The following WDR27 variants were observed in gnomAD, a reference collection of about 807,000 sequenced individuals.
WDR27 encodes WD repeat-containing protein 27.
Under a neutral mutation model 114.4 loss-of-function variants are expected in WDR27, and 100 were observed. The ratio of observed to expected loss-of-function variants is 0.87; its 90% CI spans 0.74 to 1.03. The LOEUF (loss-of-function observed/expected upper bound fraction) is 1.03. Ranked by LOEUF, WDR27 falls within the 50% of genes least tolerant of loss-of-function variation. The probability of loss-of-function intolerance (pLI) is 0.00; values close to 1 mark genes in which losing one functional copy is unlikely to be tolerated. For synonymous variants in WDR27, 449 were observed against 423.1 expected (o/e 1.06, Z -0.75); for missense variants, 1,129 against 1,092.9 (o/e 1.03, Z -0.47).
chr6:169,515,799 A>G (rs1452209684), intron 25 of WDR27, among the ~76,000 whole-genome samples: 1 of 149,990 alleles, frequency 6.7e-6, no homozygotes, highest in South Asian at 2.1e-4. Context: ...ACAGTAAAAT[A>G]AAAGGGATAA....
chr6:169,525,568 CT>C (rs1794878449), intron 25 of WDR27, among the ~76,000 whole-genome samples: 1 of 150,566 alleles, frequency 6.6e-6, no homozygotes, highest in South Asian at 2.1e-4. Flanking sequence ...AAAAAAAAAG[CT>C]TTTCTCAAAA....
intron 25 of WDR27, among the ~76,000 whole-genome samples, chr6:169,563,928 A>G (rs1032796930): frequency 1.3e-5 from 2 of 152,174 alleles, no homozygotes; most frequent in Non-Finnish European, 2.9e-5. Context: ...AGGGATCCCT[A>G]AAGGGACAGG....
chr6:169,552,296 C>G (rs778054134), intron 25 of WDR27, among the ~76,000 whole-genome samples: 1 of 152,130 alleles, frequency 6.6e-6, no homozygotes, highest in Non-Finnish European at 1.5e-5. Flanking sequence ...TTAATAAGCA[C>G]GTAGATGACC....
At chr6:169,672,086 G>A (rs1452563600) in intron 3 of WDR27, 169 bp downstream of exon 3, 18 of 586,176 alleles carry the variant, frequency 3.1e-5, no homozygotes, top group South Asian at 1.8e-4. Flanking sequence ...CATATAAAGC[G>A]CCTGCTTGCA....
intron 23 of WDR27, among the ~76,000 whole-genome samples, chr6:169,594,698 C>A (rs1033458): frequency 1.3e-5 from 2 of 151,964 alleles, no homozygotes; most frequent in Non-Finnish European, 2.9e-5. Flanking sequence ...GTGTTTTGTG[C>A]GATACTAAAA....
At chr6:169,482,500 A>C (rs1238576233) in intron 25 of WDR27, among the ~76,000 whole-genome samples, 2 of 152,126 alleles carry the variant, frequency 1.3e-5, no homozygotes, top group African/African-American at 4.8e-5. Flanking sequence ...TTTGATTTGC[A>C]TTTCTCTTAT....
intron 1 of WDR27, among the ~76,000 whole-genome samples, chr6:169,696,938 C>CA (rs2128314126): frequency 6.6e-6 from 1 of 152,186 alleles, no homozygotes; most frequent in East Asian, 1.9e-4. Context: ...GCAAAAACAA[C>CA]AAAAACCTAT....
chr6:169,647,592 CAGTCGAG>C, intron 16 of WDR27, 174 bp downstream of exon 16: 1 of 686,736 alleles, frequency 1.5e-6, no homozygotes, highest in Non-Finnish European at 2.6e-6. Context: ...ACCCTCACTA[CAGTCGAG>C]TGAAACGCAG....
At chr6:169,485,491 T>A (rs566820797) in intron 25 of WDR27, among the ~76,000 whole-genome samples, 2 of 152,266 alleles carry the variant, frequency 1.3e-5, no homozygotes, top group African/African-American at 4.8e-5. Flanking sequence ...GAATGGCTAT[T>A]AAGAAGTCGA....
At chr6:169,575,761 G>A (rs181095657) in intron 24 of WDR27, among the ~76,000 whole-genome samples, 1 of 152,274 alleles carries the variant, frequency 6.6e-6, no homozygotes, top group Admixed American at 6.5e-5. Context: ...AAAAGCTTGA[G>A]TCACATGTTT....
At chr6:169,645,036 TAAA>T (rs369797685) in intron 16 of WDR27, among the ~76,000 whole-genome samples, 4 of 76,926 alleles carry the variant, frequency 5.2e-5, no homozygotes, top group African/African-American at 1.7e-4. Context: ...AAAAAAAAAA[TAAA>T]AAAAAAAAAA....
chr6:169,645,036 T>TAAA (rs369797685), intron 16 of WDR27, among the ~76,000 whole-genome samples: 168 of 76,922 alleles, frequency 2.2e-3, no homozygotes, highest in Non-Finnish European at 3.3e-3. Flanking sequence ...AAAAAAAAAA[T>TAAA]AAAAAAAAAA....
chr6:169,444,480 T>A, the WDR27 span, among the ~76,000 whole-genome samples: 3 of 152,118 alleles, frequency 2.0e-5, no homozygotes, highest in Non-Finnish European at 2.9e-5. Context: ...TCAAGAAGCA[T>A]TTCTGAGAGT....
At chr6:169,647,422 G>C (rs1821053737) in intron 16 of WDR27, among the ~76,000 whole-genome samples, 1 of 152,224 alleles carries the variant, frequency 6.6e-6, no homozygotes, top group Admixed American at 6.5e-5. Context: ...TGTTCCATTA[G>C]CTTCTTTGCC....
chr6:169,492,792 A>C (rs1202077604), intron 25 of WDR27, among the ~76,000 whole-genome samples: 1 of 152,148 alleles, frequency 6.6e-6, no homozygotes, highest in Non-Finnish European at 1.5e-5. Flanking sequence ...TGACAACAGC[A>C]ATAACAAACC....
At chr6:169,473,076 T>A (rs1201854127) in intron 25 of WDR27, among the ~76,000 whole-genome samples, 3 of 152,262 alleles carry the variant, frequency 2.0e-5, no homozygotes, top group African/African-American at 7.2e-5. Flanking sequence ...TTGGCACTTC[T>A]ATTTCCAAAC....
chr6:169,611,942 C>G (rs1256840252), intron 22 of WDR27, among the ~76,000 whole-genome samples: 2 of 151,108 alleles, frequency 1.3e-5, no homozygotes, highest in Non-Finnish European at 2.9e-5. Flanking sequence ...CGAGACCAAC[C>G]TAGCCAACAT....
intron 25 of WDR27, among the ~76,000 whole-genome samples, chr6:169,488,442 ATG>A (rs1789243727): frequency 6.6e-6 from 1 of 152,214 alleles, no homozygotes; most frequent in Non-Finnish European, 1.5e-5. Flanking sequence ...TTTTAAGATC[ATG>A]TCTTATCCAA....
chr6:169,456,074 T>A (rs1784335080), downstream of WDR27, among the ~76,000 whole-genome samples: 1 of 152,224 alleles, frequency 6.6e-6, no homozygotes, highest in Non-Finnish European at 1.5e-5. The surrounding 1 kb of genome is among the most constrained non-coding windows in gnomAD (Gnocchi z 4.0). Context: ...TAAATAAGAC[T>A]CTGGGCTTTC....
Sources: allele counts gnomAD v4.1 joint callset (sites outside exome capture counted in the v4.1 genomes callset), GRCh38; gene constraint gnomAD v4.1.1; non-coding constraint Gnocchi (gnomAD v3.1); transcripts MANE v1.5; gene names NCBI Gene and HGNC (gene_info 2026-07-23, HGNC 2026-07-21).